Variants in B3GALT1 observed in about 807,000 individuals in gnomAD.
The protein encoded by B3GALT1 is UDP-Gal:betaGlcNAc beta 1,3-galactosyltransferase, polypeptide 1.
Under a neutral mutation model 23.2 loss-of-function variants are expected in B3GALT1, and 10 were observed. The ratio of observed to expected loss-of-function variants is 0.43; its 90% CI spans 0.27 to 0.73. B3GALT1 has a LOEUF of 0.73. B3GALT1 is among the 30% of genes least tolerant of loss of function. The probability of loss-of-function intolerance (pLI) is 0.21; values close to 1 mark genes in which losing one functional copy is unlikely to be tolerated. For missense variants in B3GALT1, 299 were observed against 405.4 expected (o/e 0.74, Z 2.25); for synonymous variants, 156 against 141.5 (o/e 1.10, Z -0.73).
intron 2 of B3GALT1, among the ~76,000 whole-genome samples, chr2:167,496,309 T>C (rs568748894): frequency 2.0e-5 from 3 of 152,230 alleles, no homozygotes; most frequent in African/African-American, 7.2e-5. Flanking sequence ...GAATAAGGAA[T>C]TTTGACTTGG....
At chr2:167,429,002 G>A (rs1698665383) in intron 1 of B3GALT1, among the ~76,000 whole-genome samples, 1 of 152,046 alleles carries the variant, frequency 6.6e-6, no homozygotes, top group Non-Finnish European at 1.5e-5. Context: ...TGTTTTGGCT[G>A]GGCACGGTGG....
chr2:167,746,836 CTG>C (rs1687660458), intron 3 of B3GALT1, among the ~76,000 whole-genome samples: 1 of 152,126 alleles, frequency 6.6e-6, no homozygotes, highest in Non-Finnish European at 1.5e-5. Context: ...GTGAATCAAT[CTG>C]TTTTTTCATT....
At chr2:167,717,284 T>G (rs1171149982) in intron 3 of B3GALT1, among the ~76,000 whole-genome samples, 1 of 145,622 alleles carries the variant, frequency 6.9e-6, no homozygotes, top group East Asian at 1.9e-4. Context: ...AATATCTGGA[T>G]TATCTATGAG....
chr2:167,522,074 A>G lies in B3GALT1; in HGVS notation c.-410+31797A>G, dbSNP rs570690950. Among the ~76,000 whole-genome samples, 7 of 150,186 alleles carry G rather than the reference A, an allele frequency of 4.7e-5. No homozygotes were observed. In the South Asian group the frequency reaches 1.5e-3, roughly 32 times the overall value. On this transcript the variant is annotated intron_variant, in intron 2 of 4. Transcript: ENST00000392690. ...TAAAATTGTTTAAATGTGGCCCAAA[A>G]TATATTAGGAATTACTGATATGGCC...
intron 2 of B3GALT1, among the ~76,000 whole-genome samples, chr2:167,556,810 T>C (rs535271051): frequency 6.6e-6 from 1 of 152,322 alleles, no homozygotes; most frequent in African/African-American, 2.4e-5. Context: ...TAAGAAAAAT[T>C]GTCTTCTTGT....
In B3GALT1 at chr2:167,350,592, G is replaced by A. The variant is rs373520992; in HGVS notation, c.-511+57258G>A. Among the ~76,000 whole-genome samples, 19 of 152,254 alleles carry A rather than the reference G, an allele frequency of 1.2e-4. No individual in the cohort carries two copies. In the East Asian group the frequency reaches 2.1e-3, roughly 17 times the overall value. On this transcript the variant is annotated intron_variant, in intron 1 of 4. Transcript: ENST00000392690. ...CACCCCTGTTCCCTCTGCATCCAGC[G>A]TATGAAAACTTTTCTGGAAAATGCT...
intron 2 of B3GALT1, among the ~76,000 whole-genome samples, chr2:167,587,619 G>C (rs909329962): frequency 6.6e-6 from 1 of 152,112 alleles, no homozygotes; most frequent in Non-Finnish European, 1.5e-5. Flanking sequence ...TTTCTTCAGC[G>C]TTGACTTTTT....
intron 1 of B3GALT1, among the ~76,000 whole-genome samples, chr2:167,413,507 A>G (rs1450137251): frequency 1.3e-5 from 2 of 151,938 alleles, no homozygotes; most frequent in African/African-American, 2.4e-5. Context: ...ACTTCCTCCT[A>G]TTTTGTCAGT....
chr2:167,727,725 T>TA (rs1687340961), intron 3 of B3GALT1, among the ~76,000 whole-genome samples: 1 of 152,172 alleles, frequency 6.6e-6, no homozygotes, highest in Admixed American at 6.5e-5. Flanking sequence ...TTTTTCCTCA[T>TA]AACAGGCTCT....
At chr2:167,867,826 G>A (rs541736500) in intron 4 of B3GALT1, among the ~76,000 whole-genome samples, 14 of 152,254 alleles carry the variant, frequency 9.2e-5, no homozygotes, top group Non-Finnish European at 1.0e-4. Context: ...GAACTGGCGC[G>A]AAGTTTTAAA....
At chr2:167,815,251 A>AAAGTT (rs1688972177) in intron 3 of B3GALT1, 1 of 152,246 alleles carries the variant, frequency 6.6e-6, no homozygotes, top group African/African-American at 2.4e-5. Flanking sequence ...AGAGAAATTG[A>AAAGTT]AAGTTAAGTT....
At chr2:167,849,314 G>A (rs184682430) in intron 4 of B3GALT1, among the ~76,000 whole-genome samples, 3 of 152,138 alleles carry the variant, frequency 2.0e-5, no homozygotes, top group East Asian at 1.9e-4. Context: ...GGCATCACAC[G>A]ACCTGATTTT....
intron 3 of B3GALT1, among the ~76,000 whole-genome samples, chr2:167,799,902 T>C (rs919510960): frequency 6.6e-6 from 1 of 151,684 alleles, no homozygotes; most frequent in African/African-American, 2.4e-5. Context: ...TTCTTAGTTT[T>C]AACAAAATTT....
At chr2:167,781,617 A>C (rs1202488814) in intron 3 of B3GALT1, among the ~76,000 whole-genome samples, 6 of 152,168 alleles carry the variant, frequency 3.9e-5, no homozygotes, top group Non-Finnish European at 7.3e-5. Context: ...GTATTTCCAG[A>C]TTATTTCTGA....
intron 1 of B3GALT1, among the ~76,000 whole-genome samples, chr2:167,486,808 G>T (rs932390615): frequency 6.6e-6 from 1 of 152,044 alleles, no homozygotes; most frequent in African/African-American, 2.4e-5. Flanking sequence ...CTGGCCAAAA[G>T]AAAGAATAGA....
intron 2 of B3GALT1, among the ~76,000 whole-genome samples, chr2:167,634,323 A>C (rs969367853): frequency 2.0e-5 from 3 of 152,140 alleles, no homozygotes; most frequent in Non-Finnish European, 2.9e-5. Context: ...TTCAAAAGCT[A>C]GCAGAAGGCA....
intron 3 of B3GALT1, among the ~76,000 whole-genome samples, chr2:167,659,827 C>T (rs1686024913): frequency 6.6e-6 from 1 of 152,010 alleles, no homozygotes; most frequent in Admixed American, 6.6e-5. Context: ...AGAATCTCCT[C>T]TCTTCTTCCT....
At chr2:167,600,425 G>C (rs540074191) in intron 2 of B3GALT1, among the ~76,000 whole-genome samples, 1 of 152,200 alleles carries the variant, frequency 6.6e-6, no homozygotes, top group South Asian at 2.1e-4. Context: ...AAGATTCAGT[G>C]GTTTATAACC....
chr2:167,486,983 T>C (rs1699636632), intron 1 of B3GALT1, among the ~76,000 whole-genome samples: 1 of 152,206 alleles, frequency 6.6e-6, no homozygotes, highest in Non-Finnish European at 1.5e-5. Context: ...TTTATATTTT[T>C]GTTAAAATAT....
Sources: gnomAD v4.1 joint callset for allele counts (sites outside exome capture counted in the v4.1 genomes callset) on GRCh38, gnomAD v4.1.1 for gene constraint, MANE v1.5 for transcripts, NCBI Gene and HGNC (gene_info 2026-07-23, HGNC 2026-07-21) for gene names.